The following AKNAD1 variants were observed in gnomAD, a reference collection of about 807,000 sequenced individuals.
AKNAD1 encodes the protein AKNA domain containing 1, also known as protein AKNAD1.
A neutral mutation model predicts 90.8 loss-of-function variants in AKNAD1; 67 were observed. The ratio of observed to expected loss-of-function variants is 0.74; its 90% CI spans 0.61 to 0.90. The LOEUF is 0.90. Ranked by LOEUF, AKNAD1 falls within the 40% of genes least tolerant of loss-of-function variation. The probability of loss-of-function intolerance (pLI) is 0.00; values close to 1 mark genes in which losing one functional copy is unlikely to be tolerated. For missense variants in AKNAD1, 957 were observed against 975.4 expected, an observed-to-expected ratio of 0.98 and a Z score of 0.25; for synonymous variants, 327 against 341.4, an observed-to-expected ratio of 0.96 and a Z score of 0.46.
chr1:108,847,578 T>A (rs868940), intron 5 of AKNAD1, among the ~76,000 whole-genome samples: 1 of 151,006 alleles, frequency 6.6e-6, no homozygotes, highest in African/African-American at 2.4e-5. Context: ...TGTCACCACG[T>A]GCTCCCAAGT....
chr1:108,838,764 AT>A (rs1282280403), intron 6 of AKNAD1, among the ~76,000 whole-genome samples: 1 of 152,156 alleles, frequency 6.6e-6, no homozygotes, highest in Non-Finnish European at 1.5e-5. Flanking sequence ...GCATTGAAAA[AT>A]CCATATCAAC....
intron 15 of AKNAD1, chr1:108,816,813 C>T: frequency 2.2e-6 from 1 of 447,744 alleles, no homozygotes; most frequent in Admixed American, 3.7e-5. Context: ...AGCTGAGGCA[C>T]CACCCACAAA....
At chr1:108,825,532 A>AAC (rs1254832479) in intron 11 of AKNAD1, among the ~76,000 whole-genome samples, 1 of 151,684 alleles carries the variant, frequency 6.6e-6, no homozygotes. Context: ...GAGGACCCTA[A>AAC]ACAGCCTTTG....
chr1:108,834,815 G>A (rs1405458304), intron 8 of AKNAD1, 114 bp downstream of exon 8: 9 of 1,454,968 alleles, frequency 6.2e-6, no homozygotes, highest in East Asian at 4.9e-5. Context: ...TTTGTAACTC[G>A]TGGTCCAAGA....
chr1:108,857,740 T>A (rs544596644), upstream of AKNAD1, among the ~76,000 whole-genome samples: 3 of 152,198 alleles, frequency 2.0e-5, no homozygotes, highest in African/African-American at 7.2e-5. Flanking sequence ...ACTTACCTTA[T>A]CTGCCCCTCC....
Position 108,848,778 on chromosome 1 carries a change from G to T in AKNAD1, c.1219C>A (p.Pro407Thr). The stretch of plus-strand genomic sequence containing the variant: ...AGCTTCTTGTCTTGCAAATGGTAAG[G>T]AGAGTCCTGTTTTATTCTTTTGGAA... ...EFSKRIKQDSPYHLQDKKLVL... is the reference protein window; with the variant it reads ...EFSKRIKQDSTYHLQDKKLVL... The change falls in exon 5 of 16, where the codon CCT becomes ACT. Residue 407 changes from proline to threonine, a missense_variant. Physicochemically the swap from Pro to Thr is conservative, Grantham distance 38. Coordinates refer to ENST00000370001, the MANE Select transcript of AKNAD1 (RefSeq NM_152763.5). The T allele has an allele frequency of 6.2e-7, 1 of 1,610,034 alleles. No individual in the cohort carries two copies. The highest frequency in any genetic ancestry group is 8.5e-7 in the Non-Finnish European group (1 of 1,179,146).
In AKNAD1 at chr1:108,817,133, G is replaced by A; in HGVS notation, c.2294C>T (p.Thr765Ile). The part of the protein sequence containing the change: ...AFMTYSSDPA[T>I]PSPHFYSCRI... ...GCAGGAGTAGAAATGGGGTGAGGGT[G>A]TTGCAGGGTCTGAGCTGTAGGTCAT... Residue 765 changes from threonine (T) to isoleucine (I), a missense_variant, in exon 15 of 16, where the codon ACA (threonine) becomes ATA (isoleucine). Transcript: ENST00000370001. 2 of 1,614,148 alleles carry A rather than the reference G, an allele frequency of 1.2e-6. No individual in the cohort carries two copies. The highest frequency in any genetic ancestry group is 1.7e-6 in the Non-Finnish European group (2 of 1,180,002).
At chr1:108,830,510 A>G (rs766510466) in intron 10 of AKNAD1, 49 bp downstream of exon 10, 5 of 1,570,792 alleles carry the variant, frequency 3.2e-6, no homozygotes, top group South Asian at 1.1e-5. Context: ...TTACTATGCC[A>G]GGACTGACTC....
chr1:108,847,087 G>A (rs1438044965), intron 5 of AKNAD1, among the ~76,000 whole-genome samples: 1 of 151,992 alleles, frequency 6.6e-6, no homozygotes, highest in Admixed American at 6.6e-5. Context: ...CCTGGATTCT[G>A]GCTTCCGAAC....
intron 10 of AKNAD1, among the ~76,000 whole-genome samples, chr1:108,828,838 T>G (rs1234598258): frequency 6.6e-6 from 1 of 151,840 alleles, no homozygotes; most frequent in Non-Finnish European, 1.5e-5. Flanking sequence ...CTTTTTCTGC[T>G]TTTAAACTCC....
intron 7 of AKNAD1, among the ~76,000 whole-genome samples, chr1:108,835,751 A>G (rs919407819): frequency 4.0e-5 from 6 of 151,808 alleles, no homozygotes; most frequent in Non-Finnish European, 8.8e-5. Flanking sequence ...CAGCCTCCCA[A>G]GTAGCTGGGA....
chr1:108,830,554 C>T lies in AKNAD1; in HGVS notation c.1838+5G>A. 6.2e-7 allele frequency: 1 copy of T among 1,613,780 alleles called. No homozygotes were observed. On this transcript the variant is annotated splice_donor_5th_base_variant and intron_variant, in intron 10 of 15. Coordinates refer to ENST00000370001, the MANE Select transcript of AKNAD1 (RefSeq NM_152763.5). The stretch of plus-strand genomic sequence containing the variant: ...CCTGGGAATGTAGCCACAAGAAGCC[C>T]TCACCATTCAAGGAGCCTGCGACAG...
intron 6 of AKNAD1, among the ~76,000 whole-genome samples, chr1:108,840,660 A>T (rs1300943428): frequency 6.6e-6 from 1 of 152,234 alleles, no homozygotes; most frequent in African/African-American, 2.4e-5. Flanking sequence ...GATCAATGGG[A>T]TGGAATAGAA....
chr1:108,851,561 G>C, intron 2 of AKNAD1, 111 bp downstream of exon 2: 1 of 1,074,768 alleles, frequency 9.3e-7, no homozygotes, highest in Non-Finnish European at 1.3e-6. Flanking sequence ...CCAGGGTGCT[G>C]AATGAAACTT....
chr1:108,816,016 C>A lies in AKNAD1; in HGVS notation c.*155G>T. On this transcript the variant is annotated 3_prime_UTR_variant, in exon 16 of 16. Transcript: ENST00000370001. ...AGAAGTCCTTTCTTTTTTCTTTTTC[C>A]TTTAAGTACTTTGTGTTACCCATTT... 1 of 631,970 alleles carries A rather than the reference C, an allele frequency of 1.6e-6. No individual in the cohort carries two copies. 39.1% of individuals were successfully genotyped at this position (631,970 alleles called of 1,614,324 possible).
intron 1 of AKNAD1, among the ~76,000 whole-genome samples, chr1:108,855,954 T>G (rs1173345917): frequency 6.6e-6 from 1 of 150,648 alleles, no homozygotes; most frequent in African/African-American, 2.4e-5. Context: ...ATGGCTCAAC[T>G]GATCTTCCTC....
rs1363809335 is a variant in AKNAD1 at position 108,817,061 on chromosome 1, T to C, written c.2366A>G (p.Glu789Gly). Residue 789 changes from glutamate (E) to glycine (G), a missense_variant, in exon 15 of 16, where the codon GAA (glutamate) becomes GGA (glycine). Physicochemically the swap from Glu to Gly is moderately conservative, Grantham distance 98. Transcript: ENST00000370001. ...CTAAGTCCTCACCTCAGATTTTATT[T>C]CTTCAGTGCTATCAAAGTCACATAA... ...KSLCDFDSTE[E>G]IKSEILNSAL... The C allele has an allele frequency of 6.2e-7, 1 of 1,613,978 alleles. No individual in the cohort carries two copies. Among genetic ancestry groups the C allele is most frequent in the Admixed American group, 1.7e-5 (1 of 59,990 alleles).
intron 8 of AKNAD1, 86 bp downstream of exon 8, chr1:108,834,843 G>T: frequency 6.7e-7 from 1 of 1,484,908 alleles, no homozygotes; most frequent in Non-Finnish European, 8.9e-7. Context: ...TCCTGTGGGA[G>T]CCTCATGGGC....
chr1:108,839,427 C>G (rs1007264592), intron 6 of AKNAD1, among the ~76,000 whole-genome samples: 42 of 138,260 alleles, frequency 3.0e-4, no homozygotes, highest in Non-Finnish European at 5.7e-4. Context: ...GAGCCAAGAT[C>G]GCGCCACTGC....
Sources: gnomAD v4.1 joint callset for allele counts (sites outside exome capture counted in the v4.1 genomes callset) on GRCh38, gnomAD v4.1.1 for gene constraint, MANE v1.5 for transcripts, NCBI Gene and HGNC (gene_info 2026-07-23, HGNC 2026-07-21) for gene names.